PCSK1: variants seen among roughly 807,000 people sequenced by gnomAD.
The protein encoded by PCSK1 is proprotein convertase subtilisin/kexin type 1, also known as neuroendocrine convertase 1.
A neutral mutation model predicts 90.6 loss-of-function variants in PCSK1; 56 were observed. The observed-to-expected ratio is 0.62, with a 90% confidence interval of 0.50 to 0.77. PCSK1 has a LOEUF of 0.77. Among genes scored for constraint, PCSK1 ranks in the 30% least tolerant of loss-of-function variants. The pLI is 0.00. For synonymous variants in PCSK1, 348 were observed against 342.4 expected (o/e 1.02, Z -0.18); for missense variants, 801 against 932.6 (o/e 0.86, Z 1.84).
chr5:96,408,714 T>C (rs937079234), intron 8 of PCSK1, among the ~76,000 whole-genome samples: 2 of 152,268 alleles, frequency 1.3e-5, no homozygotes, highest in African/African-American at 4.8e-5. Context: ...TTCTGTCTCA[T>C]ACAAAATTCC....
rs766730216 is a variant in PCSK1, at chr5:96,423,331, C to A, written c.525G>T (p.Thr175=). The A allele has an allele frequency of 4.3e-6, 7 of 1,610,996 alleles. No individual in the cohort carries two copies. The East Asian group carries it at 1.3e-4, about 31-fold the overall frequency. ...VLDDGLEWNH[T]DIYANYDPEA... is the part of the protein sequence containing the mutation. ...CACTTACATAGTTGGCATAAATGTC[C>A]GTGTGATTCCACTCCAAACCATCAT... Residue 175 remains threonine (T), a synonymous_variant, in exon 4 of 14, where the codon ACG becomes ACT. Coordinates refer to ENST00000311106, the MANE Select transcript of PCSK1 (RefSeq NM_000439.5).
At chr5:96,425,689 A>C in intron 3 of PCSK1, 131 bp downstream of exon 3, 1 of 678,460 alleles carries the variant, frequency 1.5e-6, no homozygotes, top group South Asian at 1.6e-5. Flanking sequence ...ATCAGCCCTA[A>C]TCTCCAGACA....
At chr5:96,398,727 C>T in intron 11 of PCSK1, 152 bp downstream of exon 11, 2 of 703,532 alleles carry the variant, frequency 2.8e-6, no homozygotes, top group Non-Finnish European at 5.0e-6. Context: ...GGAGATCTAA[C>T]ACCAAGAAAA....
At chr5:96,432,659 T>C (rs1761542717) in intron 1 of PCSK1, among the ~76,000 whole-genome samples, 1 of 152,182 alleles carries the variant, frequency 6.6e-6, no homozygotes, top group Admixed American at 6.5e-5. Flanking sequence ...TTCCTTCTGC[T>C]TGGCTGCGCC....
rs374180825 is a variant in PCSK1, at chr5:96,398,866, T to G, written c.1588+13A>C. Reference sequence around the variant, plus strand: ...CTTAAAAATATAAATGGCTTAGAACTTTTTTAATTTACCAGCAGCAGAAGT... The same window carrying G: ...CTTAAAAATATAAATGGCTTAGAACGTTTTTAATTTACCAGCAGCAGAAGT... On this transcript the variant is annotated intron_variant, in intron 11 of 13. Transcript: ENST00000311106. The G allele has an allele frequency of 6.2e-7, 1 of 1,606,806 alleles. No individual in the cohort carries two copies. The highest frequency in any genetic ancestry group is 1.3e-5 in the African/African-American group (1 of 74,790).
At chr5:96,426,450 T>A (rs1467119237) in intron 2 of PCSK1, among the ~76,000 whole-genome samples, 8 of 152,228 alleles carry the variant, frequency 5.3e-5, no homozygotes. Flanking sequence ...CTCCCTCCCC[T>A]GTGCTTCGAC....
intron 5 of PCSK1, among the ~76,000 whole-genome samples, chr5:96,417,489 G>A (rs1760973823): frequency 6.6e-6 from 1 of 151,872 alleles, no homozygotes; most frequent in South Asian, 2.1e-4. Context: ...GTAGATTATA[G>A]GGAAGAAACC....
intron 9 of PCSK1, among the ~76,000 whole-genome samples, chr5:96,406,187 G>A (rs1172710298): frequency 6.6e-6 from 1 of 152,148 alleles, no homozygotes; most frequent in Non-Finnish European, 1.5e-5. Flanking sequence ...TCATTTTATA[G>A]ATGGAAAGAC....
At chr5:96,400,223 A>T in intron 9 of PCSK1, 37 bp from the exon 10 acceptor site, 1 of 1,475,064 alleles carries the variant, frequency 6.8e-7, no homozygotes, top group Non-Finnish European at 9.5e-7. Context: ...TTTCAGAGAA[A>T]AATGAAGTTT....
chr5:96,400,552 A>G (rs978719933), intron 9 of PCSK1, among the ~76,000 whole-genome samples: 1 of 152,230 alleles, frequency 6.6e-6, no homozygotes, highest in Non-Finnish European at 1.5e-5. Flanking sequence ...CTCCAGTCTC[A>G]TGCTGTCCAT....
chr5:96,415,933 C>T, intron 6 of PCSK1, 100 bp downstream of exon 6: 1 of 789,656 alleles, frequency 1.3e-6, no homozygotes, highest in Admixed American at 1.8e-5. Context: ...TAATTTGTTC[C>T]TCCAGTTGTT....
intron 3 of PCSK1, among the ~76,000 whole-genome samples, chr5:96,425,003 G>GAA (rs1561376164): frequency 1.8e-3 from 191 of 106,436 alleles, no homozygotes; most frequent in African/African-American, 7.8e-3. Context: ...GAAAGAGAAA[G>GAA]AAAGAAAAGA....
chr5:96,412,182 G>C, intron 7 of PCSK1, 136 bp downstream of exon 7: 1 of 831,176 alleles, frequency 1.2e-6, no homozygotes, highest in Non-Finnish European at 2.0e-6. Flanking sequence ...GGCCCTCTAA[G>C]TGCATTTAAA....
chr5:96,433,152 C>T lies in PCSK1; in HGVS notation c.-110G>A. ...CCCACCCTCGGGCTCTAGACCACTC[C>T]TGGCTCCTGGTTGCTCTGCGAAGAG... On this transcript the variant is annotated 5_prime_UTR_variant, in exon 1 of 14. Coordinates refer to ENST00000311106, the MANE Select transcript of PCSK1 (RefSeq NM_000439.5). 1 of 1,028,620 alleles carries T rather than the reference C, an allele frequency of 9.7e-7. No homozygotes were observed. The highest frequency in any genetic ancestry group is 1.3e-5 in the South Asian group (1 of 77,982). The allele number at this position is 1,028,620 out of a possible 1,614,324, so 63.7% of individuals were successfully genotyped here. A position where few individuals can be genotyped will look rare whatever the true frequency, so the allele number is the denominator to read the frequency against.
chr5:96,419,310 G>GATAT (rs757569748), intron 5 of PCSK1, among the ~76,000 whole-genome samples: 5 of 142,200 alleles, frequency 3.5e-5, no homozygotes, highest in East Asian at 2.0e-4. Flanking sequence ...TATTAAGTGA[G>GATAT]ATATATATAT....
Position 96,390,952 on chromosome 5 carries a change from A to G in PCSK1, c.*2049T>C, listed in dbSNP as rs540005852. 1.3e-5 allele frequency: 2 copies of G among 152,786 alleles called. No homozygotes were observed. The highest frequency in any genetic ancestry group is 4.8e-5 in the African/African-American group (2 of 41,588). 9.5% of individuals were successfully genotyped at this position (152,786 alleles called of 1,614,324 possible). ...AGAAAATATTTTGTTAGGAAGAATC[A>G]AAAGAAAGATTTATACATCTAGCAC... On this transcript the variant is annotated 3_prime_UTR_variant, in exon 14 of 14. Coordinates refer to ENST00000311106, the MANE Select transcript of PCSK1 (RefSeq NM_000439.5).
Position 96,432,947 on chromosome 5 carries a change from G to A in PCSK1, c.96C>T (p.Val32=). ...CGGGGATCTCCGCTGCCCATTCATT[G>A]ACAAATTGCCTTTTCGCTTTTGCAC... ...LNSAKAKRQF[V]NEWAAEIPGG... is the part of the protein sequence containing the mutation. The change falls in exon 1 of 14, where the codon GTC becomes GTT. Residue 32 remains valine, a synonymous_variant. Transcript: ENST00000311106. The A allele has an allele frequency of 1.2e-6, 2 of 1,614,212 alleles. No individual in the cohort carries two copies. Among genetic ancestry groups the A allele is most frequent in the East Asian group, 2.2e-5 (1 of 44,880 alleles).
At chr5:96,419,203 A>AT (rs1022266183) in intron 5 of PCSK1, among the ~76,000 whole-genome samples, 1 of 151,644 alleles carries the variant, frequency 6.6e-6, no homozygotes, top group Non-Finnish European at 1.5e-5. Context: ...TTTTAAACAA[A>AT]TCAATTTGTT....
chr5:96,419,239 TATAG>T (rs1341643141), intron 5 of PCSK1, among the ~76,000 whole-genome samples: 1 of 151,024 alleles, frequency 6.6e-6, no homozygotes, highest in Non-Finnish European at 1.5e-5. Flanking sequence ...CAGATATAGA[TATAG>T]ATAAATAATC....
Sources: allele counts gnomAD v4.1 joint callset (sites outside exome capture counted in the v4.1 genomes callset), GRCh38; gene constraint gnomAD v4.1.1; transcripts MANE v1.5; gene names NCBI Gene and HGNC (gene_info 2026-07-23, HGNC 2026-07-21).